The following UVRAG variants were observed in gnomAD, a reference collection of about 807,000 sequenced individuals.
The protein encoded by UVRAG is UV radiation resistance-associated gene protein.
Under a neutral mutation model 78.0 loss-of-function variants are expected in UVRAG, and 19 were observed. The ratio of observed to expected loss-of-function variants is 0.24; its 90% CI spans 0.17 to 0.36. The LOEUF (loss-of-function observed/expected upper bound fraction) is 0.36. Ranked by LOEUF, UVRAG falls within the 10% of genes least tolerant of loss-of-function variation. UVRAG has a pLI of 1.00. For synonymous variants in UVRAG, 323 were observed against 324.6 expected, an observed-to-expected ratio of 1.00 and a Z score of 0.05; for missense variants, 740 against 853.8, an observed-to-expected ratio of 0.87 and a Z score of 1.66.
chr11:76,053,308 A>AACACACACACACACACACACACACAC (rs377457433), intron 12 of UVRAG, among the ~76,000 whole-genome samples: 2 of 140,698 alleles, frequency 1.4e-5, no homozygotes, highest in African/African-American at 2.7e-5. Flanking sequence ...TCTGTCTCAA[A>AACACACACACACACACACACACACAC]ACACACACAC....
At chr11:76,001,652 A>C (rs1267857101) in intron 8 of UVRAG, among the ~76,000 whole-genome samples, 1 of 152,212 alleles carries the variant, frequency 6.6e-6, no homozygotes, top group Non-Finnish European at 1.5e-5. Flanking sequence ...ATTATAATGT[A>C]GTATTTTAAA....
At chr11:76,118,457 A>G (rs570440142) in intron 14 of UVRAG, among the ~76,000 whole-genome samples, 65 of 152,314 alleles carry the variant, frequency 4.3e-4, no homozygotes, top group African/African-American at 1.5e-3. Context: ...TCTGACTTCA[A>G]AGAGAATGCT....
intron 5 of UVRAG, among the ~76,000 whole-genome samples, chr11:75,901,668 G>C (rs1346721280): frequency 6.6e-6 from 1 of 152,000 alleles, no homozygotes; most frequent in Non-Finnish European, 1.5e-5. Context: ...TTTTTTCCTG[G>C]TTCTTGACAT....
At chr11:75,943,092 C>G (rs994812974) in intron 6 of UVRAG, among the ~76,000 whole-genome samples, 2 of 151,928 alleles carry the variant, frequency 1.3e-5, no homozygotes, top group Admixed American at 1.3e-4. Flanking sequence ...TCCCACCTCC[C>G]AATACTATGG....
chr11:75,825,494 G>A (rs574054426), intron 1 of UVRAG, among the ~76,000 whole-genome samples: 1 of 152,138 alleles, frequency 6.6e-6, no homozygotes, highest in Non-Finnish European at 1.5e-5. Flanking sequence ...AAAAGTAGAC[G>A]AGTACACACA....
chr11:76,138,534 C>G (rs1227632497), intron 14 of UVRAG, among the ~76,000 whole-genome samples: 1 of 152,196 alleles, frequency 6.6e-6, no homozygotes, highest in South Asian at 2.1e-4. Context: ...CTACAAACAC[C>G]CTGTTCCTCT....
chr11:76,141,338 GTT>G lies in UVRAG; in HGVS notation c.2026_2027del (p.Phe676LeufsTer9). 6.2e-7 allele frequency: 1 copy of G among 1,614,224 alleles called. No homozygotes were observed. The highest frequency in any genetic ancestry group is 8.5e-7 in the Non-Finnish European group (1 of 1,180,052). ...DEQVLGEFEE[F>X]SRRIYALNEN... ...AACAAGTTCTGGGAGAATTTGAAGA[GTT>G]CTCCCGAAGGATCTATGCACTGAAT... On this transcript the variant is annotated frameshift_variant, in exon 15 of 15. Coordinates refer to ENST00000356136, the MANE Select transcript of UVRAG (RefSeq NM_003369.4). LOFTEE classifies it high-confidence loss of function.
At chr11:75,880,168 A>AT in intron 4 of UVRAG, 128 bp downstream of exon 4, 1 of 1,000,602 alleles carries the variant, frequency 1.0e-6, no homozygotes, top group Non-Finnish European at 1.5e-6. Flanking sequence ...TACTTATATC[A>AT]CTAAGAGAGA....
chr11:75,895,397 A>C (rs1287934857), intron 5 of UVRAG, among the ~76,000 whole-genome samples: 1 of 152,064 alleles, frequency 6.6e-6, no homozygotes, highest in African/African-American at 2.4e-5. Flanking sequence ...CTTTCTGTTG[A>C]GTTTTTAGGA....
chr11:75,839,458 T>A (rs890689910), intron 1 of UVRAG, among the ~76,000 whole-genome samples: 3 of 151,262 alleles, frequency 2.0e-5, no homozygotes, highest in Non-Finnish European at 4.4e-5. Flanking sequence ...TGGAATTTAA[T>A]GTAAGGCATA....
intron 9 of UVRAG, among the ~76,000 whole-genome samples, 197 bp from the exon 10 acceptor site, chr11:76,007,337 T>A (rs544982191): frequency 4.6e-5 from 7 of 152,292 alleles, no homozygotes; most frequent in African/African-American, 1.7e-4. Context: ...TAGCACTCAG[T>A]ATATAGTTAG....
At chr11:76,126,831 G>C (rs1421464043) in intron 14 of UVRAG, among the ~76,000 whole-genome samples, 1 of 152,134 alleles carries the variant, frequency 6.6e-6, no homozygotes, top group East Asian at 1.9e-4. Context: ...CCCATATGCT[G>C]TTTACAAGAC....
intron 13 of UVRAG, among the ~76,000 whole-genome samples, chr11:76,078,993 A>C (rs776307329): frequency 6.6e-6 from 1 of 152,216 alleles, no homozygotes; most frequent in East Asian, 1.9e-4. Flanking sequence ...TTGGGCAGAT[A>C]GTATCTTTCT....
At chr11:76,130,130 T>G (rs1002218806) in intron 14 of UVRAG, among the ~76,000 whole-genome samples, 7 of 152,166 alleles carry the variant, frequency 4.6e-5, no homozygotes, top group Non-Finnish European at 1.5e-5. Flanking sequence ...ATGCTGTTCC[T>G]GCTACCTGGA....
chr11:76,105,504 T>G (rs1239421220), intron 13 of UVRAG, among the ~76,000 whole-genome samples: 1 of 152,190 alleles, frequency 6.6e-6, no homozygotes, highest in East Asian at 1.9e-4. Context: ...TCCCAGCACT[T>G]TGGAAGACCA....
intron 3 of UVRAG, among the ~76,000 whole-genome samples, chr11:75,877,988 C>T (rs1443939104): frequency 5.4e-5 from 8 of 147,080 alleles, no homozygotes; most frequent in African/African-American, 1.8e-4. Context: ...CCAGACGGGG[C>T]GGCTGCCGGG....
At chr11:75,876,656 A>T (rs1457387595) in intron 3 of UVRAG, among the ~76,000 whole-genome samples, 1 of 150,476 alleles carries the variant, frequency 6.6e-6, no homozygotes, top group Non-Finnish European at 1.5e-5. Flanking sequence ...TATTTGTGGT[A>T]GTATTTCAGT....
intron 12 of UVRAG, among the ~76,000 whole-genome samples, chr11:76,030,373 C>G (rs1000775919): frequency 3.3e-5 from 5 of 152,096 alleles, no homozygotes; most frequent in African/African-American, 4.8e-5. Context: ...ACCAAACCCA[C>G]AATATATCCA....
At chr11:75,928,904 T>C (rs1431625724) in intron 6 of UVRAG, among the ~76,000 whole-genome samples, 1 of 117,418 alleles carries the variant, frequency 8.5e-6, no homozygotes, top group Non-Finnish European at 1.6e-5. Context: ...ATCATGCCAC[T>C]GCACTCCAGC....
Sources: gnomAD v4.1 joint callset for allele counts (sites outside exome capture counted in the v4.1 genomes callset) on GRCh38, gnomAD v4.1.1 for gene constraint, MANE v1.5 for transcripts, NCBI Gene and HGNC (gene_info 2026-07-23, HGNC 2026-07-21) for gene names.